TEX2: variants seen among roughly 807,000 people sequenced by gnomAD.
The protein encoded by TEX2 is testis expressed 2, also known as testis-expressed protein 2.
In TEX2, 53 loss-of-function variants were observed where a neutral mutation model predicts 106.9. The observed-to-expected ratio is 0.50, with a 90% CI of 0.40 to 0.62. The LOEUF is 0.62. Ranked by LOEUF, TEX2 falls within the 20% of genes least tolerant of loss-of-function variation. The pLI is 0.00. For synonymous variants in TEX2, 523 were observed against 534.8 expected (o/e 0.98, Z 0.30); for missense variants, 1,207 against 1,379.0 (o/e 0.88, Z 1.98).
intron 1 of TEX2, among the ~76,000 whole-genome samples, chr17:64,231,303 A>T (rs2033651762): frequency 7.0e-6 from 1 of 143,852 alleles, no homozygotes; most frequent in African/African-American, 3.0e-5. Flanking sequence ...ACATCACCCA[A>T]GCACCACTTC....
intron 5 of TEX2, among the ~76,000 whole-genome samples, chr17:64,183,688 A>G (rs1160500579): frequency 1.3e-5 from 2 of 152,210 alleles, no homozygotes; most frequent in East Asian, 3.8e-4. Context: ...TCGGCCTCCC[A>G]AAGTGTTAGG....
At chr17:64,163,435 T>C (rs1480635879) in intron 7 of TEX2, among the ~76,000 whole-genome samples, 1 of 152,200 alleles carries the variant, frequency 6.6e-6, no homozygotes, top group Non-Finnish European at 1.5e-5. Flanking sequence ...CCACTGCACC[T>C]GGCCTGGAAT....
chr17:64,231,304 G>GTTTGTA (rs2033651872), intron 1 of TEX2, among the ~76,000 whole-genome samples: 1 of 152,206 alleles, frequency 6.6e-6, no homozygotes, highest in African/African-American at 2.4e-5. Flanking sequence ...CATCACCCAA[G>GTTTGTA]CACCACTTCT....
intron 1 of TEX2, among the ~76,000 whole-genome samples, chr17:64,258,644 C>A (rs1442768299): frequency 6.6e-6 from 1 of 152,128 alleles, no homozygotes; most frequent in Non-Finnish European, 1.5e-5. Context: ...TGAATACAAT[C>A]ATTTTCTTTC....
intron 2 of TEX2, among the ~76,000 whole-genome samples, chr17:64,202,981 C>T (rs1005136570): frequency 6.6e-6 from 1 of 152,164 alleles, no homozygotes; most frequent in Non-Finnish European, 1.5e-5. Context: ...GATTTAGAAG[C>T]CACGTATGGC....
At position 64,147,373 on chromosome 17, in the gene TEX2, GTACTCATTT is replaced by G. The variant is rs1185072605; in HGVS notation, c.*1587_*1595del. The G allele has an allele frequency of 6.6e-6, 1 of 152,070 alleles. No homozygotes were observed. Among genetic ancestry groups the G allele is most frequent in the Non-Finnish European group, 1.5e-5 (1 of 68,016 alleles). 9.4% of individuals were successfully genotyped at this position (152,070 alleles called of 1,614,324 possible). On this transcript the variant is annotated 3_prime_UTR_variant, in exon 12 of 12. Transcript: ENST00000584379. ...TGCCAGGTGAGGGCCCCGGTGCTCT[GTACTCATTT>G]TATTGTGCCCCTATCTGAACAGGAT... is the stretch of plus-strand genomic sequence containing the variant.
chr17:64,196,733 T>G (rs2032480456), intron 2 of TEX2, among the ~76,000 whole-genome samples: 1 of 152,234 alleles, frequency 6.6e-6, no homozygotes, highest in South Asian at 2.1e-4. Context: ...ACAGTTTTTT[T>G]GTCTTTTTCT....
chr17:64,231,939 G>A (rs2033667547), intron 1 of TEX2, among the ~76,000 whole-genome samples: 1 of 152,142 alleles, frequency 6.6e-6, no homozygotes, highest in Non-Finnish European at 1.5e-5. Flanking sequence ...TATCCGTGCC[G>A]ACTCAGCCTG....
At position 64,224,905 on chromosome 17, in the gene TEX2, T is replaced by C. The variant is rs182310824; in HGVS notation, c.-25-10663A>G. Among the ~76,000 whole-genome samples the C allele has an allele frequency of 2.0e-5, 3 of 152,238 alleles. No individual in the cohort carries two copies. In the East Asian group the frequency reaches 5.8e-4, roughly 29 times the overall value. ...CCAGGTCATGCGTTCAGCACAACCA[T>C]ACAAGGCCTGTGGAGGTTTATAAAA... On this transcript the variant is annotated intron_variant, in intron 1 of 11. Coordinates refer to ENST00000584379, the MANE Select transcript of TEX2 (RefSeq NM_001288732.2).
At chr17:64,194,523 C>T (rs1021332267) in intron 3 of TEX2, among the ~76,000 whole-genome samples, 5 of 101,916 alleles carry the variant, frequency 4.9e-5, no homozygotes, top group Non-Finnish European at 1.2e-4. Flanking sequence ...TAGTTAAGTA[C>T]CGCAGAATCA....
At chr17:64,174,926 A>C (rs1307812991) in intron 6 of TEX2, among the ~76,000 whole-genome samples, 1 of 152,246 alleles carries the variant, frequency 6.6e-6, no homozygotes, top group Non-Finnish European at 1.5e-5. Context: ...TGCAAGGCTG[A>C]CAATCCGAGA....
rs2030476549 is a variant in TEX2, at chr17:64,153,692, T to C, written c.2931-538A>G. Among the ~76,000 whole-genome samples, 1 of 152,168 alleles carries C rather than the reference T, an allele frequency of 6.6e-6. No homozygotes were observed. Among genetic ancestry groups the C allele is most frequent in the African/African-American group, 2.4e-5 (1 of 41,434 alleles). On this transcript the variant is annotated intron_variant, in intron 9 of 11. Transcript: ENST00000584379. The surrounding 1 kb of genome is among the most constrained non-coding windows in gnomAD (Gnocchi z 4.1). ...GTCACATGGCTACCTTGAGTGGCAA[T>C]TACTTTTCAAAGGGCTTGGAACTTC...
chr17:64,201,938 C>A (rs1427385426), intron 2 of TEX2, among the ~76,000 whole-genome samples: 1 of 152,130 alleles, frequency 6.6e-6, no homozygotes, highest in African/African-American at 2.4e-5. Context: ...CAGGAGTAAG[C>A]AGGAAGGCTA....
chr17:64,191,817 CAAAAAAAAAAAAAAAAA>C (rs58376086), intron 4 of TEX2, among the ~76,000 whole-genome samples: 2 of 119,902 alleles, frequency 1.7e-5, no homozygotes, highest in Admixed American at 8.0e-5. Context: ...GACTCCATCT[CAAAAAAAAAAAAAAAAA>C]AAAAAAAAAG....
intron 2 of TEX2, among the ~76,000 whole-genome samples, chr17:64,210,345 C>A (rs1488045292): frequency 6.6e-6 from 1 of 152,086 alleles, no homozygotes; most frequent in Non-Finnish European, 1.5e-5. Flanking sequence ...GGTCAGACTG[C>A]AAAATATATG....
At chr17:64,186,755 G>A (rs146640931) in intron 5 of TEX2, among the ~76,000 whole-genome samples, 119 of 152,238 alleles carry the variant, frequency 7.8e-4, no homozygotes, top group African/African-American at 2.8e-3. Context: ...GAGCCCAGGA[G>A]GTCGAGGTTG....
intron 2 of TEX2, among the ~76,000 whole-genome samples, chr17:64,208,445 G>T (rs1555631095): frequency 6.6e-6 from 1 of 151,898 alleles, no homozygotes; most frequent in African/African-American, 2.4e-5. Context: ...CCACTATGTT[G>T]CCCAGGCTGG....
At chr17:64,208,731 C>T (rs1224878402) in intron 2 of TEX2, among the ~76,000 whole-genome samples, 9 of 151,960 alleles carry the variant, frequency 5.9e-5, no homozygotes, top group African/African-American at 2.2e-4. Context: ...CTCAAGTGAT[C>T]CTCCCACCTC....
At chr17:64,180,807 C>T (rs2031823122) in intron 5 of TEX2, among the ~76,000 whole-genome samples, 1 of 152,200 alleles carries the variant, frequency 6.6e-6, no homozygotes, top group African/African-American at 2.4e-5. Context: ...TTAAAACTAA[C>T]CTCTAAAACT....
Sources: allele counts gnomAD v4.1 joint callset (sites outside exome capture counted in the v4.1 genomes callset), GRCh38; gene constraint gnomAD v4.1.1; non-coding constraint Gnocchi (gnomAD v3.1); transcripts MANE v1.5; gene names NCBI Gene and HGNC (gene_info 2026-07-23, HGNC 2026-07-21).